The following TG variants were observed in gnomAD, a reference collection of about 807,000 sequenced individuals.
TG encodes the protein thyroglobulin, also known as thyroid hormones.
Under a neutral mutation model 324.7 loss-of-function variants are expected in TG, and 270 were observed. The observed-to-expected ratio is 0.83, with a 90% CI of 0.75 to 0.92. TG has a LOEUF of 0.92. Among genes scored for constraint, TG ranks in the 40% least tolerant of loss-of-function variants. TG has a pLI of 0.00. For synonymous variants in TG, 1,401 were observed against 1,327.0 expected (o/e 1.06, Z -1.21); for missense variants, 3,591 against 3,456.4 (o/e 1.04, Z -0.98).
In TG at chr8:132,898,157, G is replaced by T. The variant is rs779898175; in HGVS notation, c.3140-12G>T. The T allele has an allele frequency of 9.4e-6, 15 of 1,593,678 alleles. No homozygotes were observed. The Admixed American group carries it at 2.4e-4, about 26-fold the overall frequency. ...GCAATTCCTGAATGTTCTCCCCTTG[G>T]CTCTTTTCCAGGGCACTGCTGGTGT... On this transcript the variant is annotated splice_polypyrimidine_tract_variant and intron_variant, in intron 12 of 47. Transcript: ENST00000220616.
At chr8:132,902,436 C>A (rs767347972) in intron 16 of TG, among the ~76,000 whole-genome samples, 2 of 152,144 alleles carry the variant, frequency 1.3e-5, no homozygotes, top group Admixed American at 1.3e-4. Context: ...CCCCCACTCT[C>A]ATTGCGGGGG....
At chr8:132,944,465 T>C (rs1824934673) in intron 26 of TG, among the ~76,000 whole-genome samples, 1 of 152,192 alleles carries the variant, frequency 6.6e-6, no homozygotes, top group Non-Finnish European at 1.5e-5. Context: ...CCCTGGTGGA[T>C]TCGAACTCCC....
chr8:133,128,336 T>TACACACAC (rs1206597558), intron 45 of TG, among the ~76,000 whole-genome samples: 1 of 21,928 alleles, frequency 4.6e-5, no homozygotes, highest in Admixed American at 5.5e-4. Flanking sequence ...ACAAAAGGCG[T>TACACACAC]GCACACACAC....
chr8:132,883,493 T>C (rs1484272841), intron 8 of TG, among the ~76,000 whole-genome samples: 2 of 152,106 alleles, frequency 1.3e-5, no homozygotes, highest in East Asian at 3.9e-4. Context: ...ATAATAGGCA[T>C]TGATATGCTA....
chr8:132,878,807 T>C (rs1282640909), intron 5 of TG, among the ~76,000 whole-genome samples: 5 of 152,116 alleles, frequency 3.3e-5, no homozygotes, highest in Non-Finnish European at 7.4e-5. Flanking sequence ...CTTCTAGATA[T>C]GTTCTTCACT....
At chr8:132,945,460 G>T (rs1277637167) in intron 26 of TG, among the ~76,000 whole-genome samples, 1 of 152,150 alleles carries the variant, frequency 6.6e-6, no homozygotes, top group Non-Finnish European at 1.5e-5. Flanking sequence ...AAGGCCGTGG[G>T]TCCATGTGGG....
At chr8:133,040,849 G>A (rs1838084891) in intron 41 of TG, among the ~76,000 whole-genome samples, 1 of 152,304 alleles carries the variant, frequency 6.6e-6, no homozygotes, top group South Asian at 2.1e-4. Context: ...GACAAAGAAT[G>A]AAGACAATCT....
chr8:132,962,891 C>A, intron 28 of TG, 103 bp from the exon 29 acceptor site: 2 of 1,054,016 alleles, frequency 1.9e-6, no homozygotes, highest in Non-Finnish European at 1.5e-6. Flanking sequence ...AGTCACCTGG[C>A]TTTAGGGCCT....
At chr8:132,885,012 C>G (rs913132645) in intron 8 of TG, among the ~76,000 whole-genome samples, 3 of 152,194 alleles carry the variant, frequency 2.0e-5, no homozygotes, top group Admixed American at 2.0e-4. Context: ...TGCTGCCAAT[C>G]TTTCCCCTCC....
At chr8:132,933,454 G>GTGTT in intron 23 of TG, 107 bp from the exon 24 acceptor site, 1 of 803,642 alleles carries the variant, frequency 1.2e-6, no homozygotes, top group South Asian at 1.4e-5. Context: ...GTGTGTGTGT[G>GTGTT]TGTGTGTGTG....
chr8:133,051,411 C>T (rs1840378281), intron 41 of TG, among the ~76,000 whole-genome samples: 1 of 152,180 alleles, frequency 6.6e-6, no homozygotes, highest in African/African-American at 2.4e-5. Context: ...ATATCTATGA[C>T]ACTTTTGGGG....
chr8:132,953,395 T>G (rs1468908030), intron 27 of TG, among the ~76,000 whole-genome samples: 2 of 152,156 alleles, frequency 1.3e-5, no homozygotes, highest in African/African-American at 4.8e-5. Context: ...CTTAAGGAGC[T>G]CACAGGCTAG....
At chr8:132,969,702 A>G in intron 32 of TG, 133 bp downstream of exon 32, 4 of 708,696 alleles carry the variant, frequency 5.6e-6, no homozygotes, top group Non-Finnish European at 1.0e-5. Context: ...CACGAGGTCA[A>G]GAGATCAAGA....
chr8:133,003,562 A>G (rs188583429), intron 35 of TG, among the ~76,000 whole-genome samples: 8 of 152,304 alleles, frequency 5.3e-5, no homozygotes, highest in African/African-American at 1.9e-4. Context: ...CTTGTATTAT[A>G]CCCCATAAAT....
intron 41 of TG, chr8:133,050,500 C>T (rs1277244956): frequency 2.8e-5 from 8 of 282,616 alleles, no homozygotes; most frequent in Admixed American, 1.9e-4. Flanking sequence ...TCCCGGTCTT[C>T]ATTCCTACAT....
intron 35 of TG, among the ~76,000 whole-genome samples, chr8:132,990,180 AT>A (rs1475614444): frequency 4.0e-5 from 6 of 149,008 alleles, no homozygotes; most frequent in Non-Finnish European, 7.4e-5. Context: ...ATATATATAT[AT>A]AATATACATG....
chr8:133,123,798 T>C (rs1195877705), intron 45 of TG, among the ~76,000 whole-genome samples: 1 of 152,206 alleles, frequency 6.6e-6, no homozygotes, highest in Non-Finnish European at 1.5e-5. Flanking sequence ...CTGTTTCCTG[T>C]CTTTCAAGGG....
rs761102783 is a variant in TG, at chr8:132,969,620, C to T, written c.5975+51C>T. 6.9e-6 allele frequency: 9 copies of T among 1,298,122 alleles called. No individual in the cohort carries two copies. The Admixed American group carries it at 1.2e-4, about 17-fold the overall frequency. 80.4% of individuals were successfully genotyped at this position (1,298,122 alleles called of 1,614,324 possible). On this transcript the variant is annotated intron_variant, in intron 32 of 47. Coordinates refer to ENST00000220616, the MANE Select transcript of TG (RefSeq NM_003235.5). ...ATGTTTATTATGAATAATACTTCCT[C>T]AAAGAAGATGACACAATCACAGCTA...
chr8:133,088,456 C>T (rs1301257102), intron 41 of TG, among the ~76,000 whole-genome samples: 2 of 152,284 alleles, frequency 1.3e-5, no homozygotes, highest in South Asian at 4.1e-4. Flanking sequence ...CTGATCAGTT[C>T]TATGACCTTG....
Sources: allele counts gnomAD v4.1 joint callset (sites outside exome capture counted in the v4.1 genomes callset), GRCh38; gene constraint gnomAD v4.1.1; transcripts MANE v1.5; gene names NCBI Gene and HGNC (gene_info 2026-07-23, HGNC 2026-07-21).